PITPNC1: variants seen among roughly 807,000 people sequenced by gnomAD.
The protein encoded by PITPNC1 is cytoplasmic phosphatidylinositol transfer protein 1.
In PITPNC1, 18 loss-of-function variants were observed where a neutral mutation model predicts 44.7. That is an observed-to-expected ratio of 0.40 (90% CI 0.28 to 0.60). The LOEUF (loss-of-function observed/expected upper bound fraction) is 0.60, where lower values mean the gene tolerates loss of function less well. Among genes scored for constraint, PITPNC1 ranks in the 20% least tolerant of loss-of-function variants. PITPNC1 has a pLI of 0.39. For synonymous variants in PITPNC1, 141 were observed against 149.6 expected (o/e 0.94, Z 0.42); for missense variants, 290 against 418.4 (o/e 0.69, Z 2.68).
intron 1 of PITPNC1, among the ~76,000 whole-genome samples, chr17:67,437,112 G>A (rs985426934): frequency 6.6e-6 from 1 of 151,562 alleles, no homozygotes; most frequent in Admixed American, 6.6e-5. Context: ...TGGAGACAGG[G>A]TTTCGCCATG....
chr17:67,667,028 A>G (rs777788297), intron 6 of PITPNC1, among the ~76,000 whole-genome samples: 26 of 152,060 alleles, frequency 1.7e-4, no homozygotes, highest in Non-Finnish European at 3.2e-4. Flanking sequence ...GTCTCATCCT[A>G]TCTACTTCTC....
At chr17:67,445,004 C>CT (rs2039075272) in intron 1 of PITPNC1, among the ~76,000 whole-genome samples, 1 of 42,452 alleles carries the variant, frequency 2.4e-5, no homozygotes, top group African/African-American at 1.2e-4. Flanking sequence ...GTTTATATGT[C>CT]TTGTTTTTTT....
intron 2 of PITPNC1, among the ~76,000 whole-genome samples, chr17:67,543,528 T>C (rs8066887): frequency 0.097 from 14,838 of 152,282 alleles, 719 homozygotes; most frequent in South Asian, 0.11. Flanking sequence ...TGAAGTGGTA[T>C]CTCGCTGTAG....
At chr17:67,615,522 T>C (rs2041746891) in intron 5 of PITPNC1, among the ~76,000 whole-genome samples, 1 of 152,176 alleles carries the variant, frequency 6.6e-6, no homozygotes, top group African/African-American at 2.4e-5. Context: ...TTTCATTCTC[T>C]TGAGGCTGAG....
At chr17:67,489,716 G>C (rs995150036) in intron 1 of PITPNC1, among the ~76,000 whole-genome samples, 1 of 152,098 alleles carries the variant, frequency 6.6e-6, no homozygotes, top group African/African-American at 2.4e-5. Context: ...CTTTCATGCT[G>C]TCTGTTGTCT....
At chr17:67,588,304 G>A (rs893867464) in intron 5 of PITPNC1, among the ~76,000 whole-genome samples, 5 of 152,094 alleles carry the variant, frequency 3.3e-5, no homozygotes, top group Middle Eastern at 3.2e-3. Context: ...GTGCCCAGCC[G>A]TGAAGTCTGT....
At chr17:67,436,712 A>G (rs1355079664) in intron 1 of PITPNC1, among the ~76,000 whole-genome samples, 1 of 151,968 alleles carries the variant, frequency 6.6e-6, no homozygotes, top group African/African-American at 2.4e-5. Context: ...AAGTCCTGAG[A>G]CCAGGGAAAA....
chr17:67,392,224 C>G (rs1017622511), intron 1 of PITPNC1, among the ~76,000 whole-genome samples: 2 of 152,248 alleles, frequency 1.3e-5, no homozygotes, highest in African/African-American at 2.4e-5. Flanking sequence ...TGGAGGTAAG[C>G]AAATTGGAAG....
At chr17:67,673,307 C>CTT (rs1021994704) in intron 7 of PITPNC1, among the ~76,000 whole-genome samples, 5 of 152,118 alleles carry the variant, frequency 3.3e-5, no homozygotes, top group Non-Finnish European at 5.9e-5. Flanking sequence ...TACAGGGATA[C>CTT]TGTGAGTATC....
chr17:67,542,985 A>T (rs2040629509), intron 2 of PITPNC1, among the ~76,000 whole-genome samples: 1 of 152,204 alleles, frequency 6.6e-6, no homozygotes, highest in African/African-American at 2.4e-5. Flanking sequence ...GCTGGTGGTT[A>T]TGTTGTCTGT....
At chr17:67,630,125 AG>A (rs1354526917) in intron 5 of PITPNC1, among the ~76,000 whole-genome samples, 13 of 152,104 alleles carry the variant, frequency 8.5e-5, no homozygotes, top group Non-Finnish European at 1.9e-4. Context: ...CTCTTGTGGG[AG>A]ACTGTGTTAA....
chr17:67,455,073 G>C (rs1438761710), intron 1 of PITPNC1, among the ~76,000 whole-genome samples: 1 of 152,050 alleles, frequency 6.6e-6, no homozygotes, highest in Non-Finnish European at 1.5e-5. Flanking sequence ...CTCCTGCTTT[G>C]GCTTTCCAAA....
chr17:67,669,232 G>T (rs191042484), intron 6 of PITPNC1, among the ~76,000 whole-genome samples: 46 of 152,258 alleles, frequency 3.0e-4, no homozygotes, highest in Non-Finnish European at 5.4e-4. Context: ...TTAGCCTCCC[G>T]AGTAGCTGGG....
chr17:67,394,894 C>T lies in PITPNC1; in HGVS notation c.48+16692C>T, dbSNP rs930240290. 4.7e-5 allele frequency among the ~76,000 whole-genome samples: 7 copies of T among 148,518 alleles called. No individual in the cohort carries two copies. The South Asian group carries it at 8.5e-4, about 18-fold the overall frequency. On this transcript the variant is annotated intron_variant, in intron 1 of 8. Coordinates refer to ENST00000581322, the MANE Select transcript of PITPNC1 (RefSeq NM_012417.4). ...TGGGCAACAGAGTGAGACCCCGTCT[C>T]GAGGAAAAAAAAAAAAGGTTGCCAG...
At chr17:67,437,172 G>A (rs748285407) in intron 1 of PITPNC1, among the ~76,000 whole-genome samples, 3 of 151,832 alleles carry the variant, frequency 2.0e-5, no homozygotes, top group Non-Finnish European at 4.4e-5. Flanking sequence ...CACCTGCCTC[G>A]GCCTCCTAAA....
chr17:67,555,792 T>C (rs917760931), intron 4 of PITPNC1, among the ~76,000 whole-genome samples: 2 of 151,974 alleles, frequency 1.3e-5, no homozygotes, highest in African/African-American at 4.8e-5. Context: ...TGCAGTGAGC[T>C]GAGATCACAC....
intron 1 of PITPNC1, among the ~76,000 whole-genome samples, chr17:67,422,448 A>T (rs1323559698): frequency 6.6e-6 from 1 of 152,064 alleles, no homozygotes; most frequent in Non-Finnish European, 1.5e-5. Flanking sequence ...GCTGGTCTTG[A>T]GCTCCTGGGC....
chr17:67,647,464 GTTTTTTTTTTTTTT>G (rs60407940), intron 6 of PITPNC1, among the ~76,000 whole-genome samples: 5 of 72,364 alleles, frequency 6.9e-5, no homozygotes, highest in East Asian at 1.1e-3. Flanking sequence ...CTAATTTTGG[GTTTTTTTTTTTTTT>G]TTTTTTTTTT....
chr17:67,528,303 A>G (rs893445922), intron 1 of PITPNC1, among the ~76,000 whole-genome samples: 2 of 152,204 alleles, frequency 1.3e-5, no homozygotes, highest in African/African-American at 4.8e-5. Flanking sequence ...CGGCCTCCCA[A>G]AGTGCTGGAA....
Sources: gnomAD v4.1 joint callset for allele counts (sites outside exome capture counted in the v4.1 genomes callset) on GRCh38, gnomAD v4.1.1 for gene constraint, MANE v1.5 for transcripts, NCBI Gene and HGNC (gene_info 2026-07-23, HGNC 2026-07-21) for gene names.